DSPP: variants seen among roughly 807,000 people sequenced by gnomAD.
DSPP encodes the protein deafness, autosomal dominant 39.
Under a neutral mutation model 29.1 loss-of-function variants are expected in DSPP, and 28 were observed. The observed-to-expected ratio is 0.96, with a 90% CI of 0.71 to 1.32. The LOEUF (loss-of-function observed/expected upper bound fraction) is 1.32. Among genes scored for constraint, DSPP ranks in the 40% most tolerant of loss-of-function variants. The probability of loss-of-function intolerance (pLI) is 0.00; values close to 1 mark genes in which losing one functional copy is unlikely to be tolerated. For synonymous variants in DSPP, 481 were observed against 503.4 expected (o/e 0.96, Z 0.60); for missense variants, 1,281 against 1,629.9 (o/e 0.79, Z 3.69).
At position 87,615,202 on chromosome 4, in the gene DSPP, G is replaced by A. The variant is rs1220416323; in HGVS notation, c.2540G>A (p.Ser847Asn). The change falls in exon 5 of 5, where the codon AGC becomes AAC. Residue 847 changes from serine (S) to asparagine (N), a missense_variant. By Grantham distance (46) the Ser-to-Asn change is conservative (BLOSUM62 1). Transcript: ENST00000651931. ...AGTGATAGCAGCGACAGCAGCGATA[G>A]CAGTGACGGCAGTGATAGCGACAGC... ...NSSDSSDSSD[S>N]SDGSDSDSSN... 6 of 1,515,686 alleles carry A rather than the reference G, an allele frequency of 4.0e-6. No homozygotes were observed. Among genetic ancestry groups the A allele is most frequent in the Non-Finnish European group, 5.3e-6 (6 of 1,124,314 alleles). 93.9% of individuals were successfully genotyped at this position (1,515,686 alleles called of 1,614,324 possible). A position where few individuals can be genotyped will look rare whatever the true frequency, so the allele number is the denominator to read the frequency against.
chr4:87,611,933 C>T (rs1727741159), intron 2 of DSPP, among the ~76,000 whole-genome samples, 172 bp from the exon 3 acceptor site: 2 of 152,156 alleles, frequency 1.3e-5, no homozygotes, highest in Admixed American at 6.5e-5. Context: ...CTGTAAGAAG[C>T]CACTTCTCTT....
In DSPP at chr4:87,612,509, G is replaced by A. The variant is rs753154760; in HGVS notation, c.323G>A (p.Gly108Asp). 6 of 1,613,968 alleles carry A rather than the reference G, an allele frequency of 3.7e-6. No homozygotes were observed. The highest frequency in any genetic ancestry group is 8.5e-7 in the Non-Finnish European group (1 of 1,179,986). ...TLANEEGNIEGWNGDTGKAET... is the reference protein window; with the variant it reads ...TLANEEGNIEDWNGDTGKAET... ...GCAAACGAAGAGGGGAATATTGAGG[G>A]CTGGAATGGGGACACAGGAAAAGCA... Residue 108 changes from glycine (G) to aspartate (D), a missense_variant, in exon 4 of 5, where the codon GGC (glycine) becomes GAC (aspartate). Coordinates refer to ENST00000651931, the MANE Select transcript of DSPP (RefSeq NM_014208.3).
Position 87,613,859 on chromosome 4 carries a change from A to C in DSPP, c.1197A>C (p.Lys399Asn). ...AAGTTGGGAAAGGCAACGAAGGTAA[A>C]GAGGATAAAGGACAACATGGAATGA... Reference protein sequence around the residue: ...TKEVGKGNEGKEDKGQHGMIL... With the variant: ...TKEVGKGNEGNEDKGQHGMIL... Residue 399 changes from lysine (K) to asparagine (N), a missense_variant, in exon 5 of 5, where the codon AAA (lysine) becomes AAC (asparagine). Lys to Asn is a moderately conservative substitution (Grantham distance 94). This residue lies in a region of DSPP where 631 missense variants were observed against 643.2 expected (regional missense o/e 0.98). Transcript: ENST00000651931. 3.1e-6 allele frequency: 5 copies of C among 1,614,222 alleles called. No homozygotes were observed. The highest frequency in any genetic ancestry group is 4.2e-6 in the Non-Finnish European group (5 of 1,180,036).
chr4:87,610,100 T>C (rs2109994541), intron 1 of DSPP, among the ~76,000 whole-genome samples: 1 of 152,292 alleles, frequency 6.6e-6, no homozygotes, highest in Non-Finnish European at 1.5e-5. Context: ...CAAGACACTC[T>C]CCTGGGCCTC....
chr4:87,612,268 G>T, intron 3 of DSPP, 54 bp from the exon 4 acceptor site: 10 of 1,612,542 alleles, frequency 6.2e-6, no homozygotes, highest in Non-Finnish European at 8.5e-6. Context: ...ATTGCAATTT[G>T]CTTTCCTTCA....
rs1483298744 is a variant in DSPP at position 87,612,792 on chromosome 4, T to C, written c.606T>C (p.Asn202=). 6.2e-7 allele frequency: 1 copy of C among 1,614,126 alleles called. No individual in the cohort carries two copies. The highest frequency in any genetic ancestry group is 1.7e-5 in the Admixed American group (1 of 60,020). Residue 202 remains asparagine, a synonymous_variant, in exon 4 of 5, where the codon AAT becomes AAC. Transcript: ENST00000651931. ...STDNEDEIIE[N]SCRNEGNTSE... ...ACAATGAGGATGAAATAATTGAGAA[T>C]TCCTGTAGAAACGAGGGTAATACAA...
intron 1 of DSPP, among the ~76,000 whole-genome samples, chr4:87,610,614 A>T (rs1727715231): frequency 6.6e-6 from 1 of 152,226 alleles, no homozygotes; most frequent in Non-Finnish European, 1.5e-5. Context: ...GCAGAAGAAC[A>T]AAGTTACAGC....
At position 87,613,893 on chromosome 4, in the gene DSPP, A is replaced by G. The variant is rs1402904773; in HGVS notation, c.1231A>G (p.Lys411Glu). The change falls in exon 5 of 5, where the codon AAA (lysine) becomes GAA (glutamate). Residue 411 changes from lysine (K) to glutamate (E), a missense_variant. This residue lies in a region of DSPP where 631 missense variants were observed against 643.2 expected (regional missense o/e 0.98). Coordinates refer to ENST00000651931, the MANE Select transcript of DSPP (RefSeq NM_014208.3). ...AGGACAACATGGAATGATCTTGGGC[A>G]AAGGCAATGTCAAGACACAAGGAGA... is the stretch of plus-strand genomic sequence containing the variant. ...DKGQHGMILG[K>E]GNVKTQGEVV... 1 of 1,614,248 alleles carries G rather than the reference A, an allele frequency of 6.2e-7. No homozygotes were observed. The highest frequency in any genetic ancestry group is 8.5e-7 in the Non-Finnish European group (1 of 1,180,038).
Position 87,614,270 on chromosome 4 carries a change from C to T in DSPP, c.1608C>T (p.Asp536=), listed in dbSNP as rs765184553. 6.2e-6 allele frequency: 10 copies of T among 1,614,144 alleles called. No homozygotes were observed. The highest frequency in any genetic ancestry group is 6.8e-6 in the Non-Finnish European group (8 of 1,180,020). The change falls in exon 5 of 5, where the codon GAC becomes GAT. Residue 536 remains aspartate, a synonymous_variant. Transcript: ENST00000651931. The part of the protein sequence containing the change: ...SNGNGNNGND[D]NDKSDSGKGK... ...GCAATGGTAACAATGGGAATGATGA[C>T]AATGACAAATCAGACAGTGGCAAAG...
chr4:87,609,837 T>C (rs530281335), intron 1 of DSPP, among the ~76,000 whole-genome samples: 19 of 152,296 alleles, frequency 1.2e-4, no homozygotes, highest in African/African-American at 4.3e-4. Context: ...ATAAATTAAT[T>C]TTTTTACTCA....
chr4:87,609,071 A>C (rs1267139604), intron 1 of DSPP, among the ~76,000 whole-genome samples: 1 of 152,220 alleles, frequency 6.6e-6, no homozygotes, highest in Non-Finnish European at 1.5e-5. Context: ...CTAATTGCTA[A>C]ATGAAATGAA....
At position 87,615,536 on chromosome 4, in the gene DSPP, T is replaced by A. The variant is rs374607352; in HGVS notation, c.2874T>A (p.Asn958Lys). The part of the protein sequence containing the change: ...SDSSNSSDSS[N>K]SSDSSNSSDS... ...GCAGTAATAGTAGTGACAGCAGCAA[T>A]AGCAGTGACAGCAGCAACAGCAGTG... is the stretch of plus-strand genomic sequence containing the variant. The change falls in exon 5 of 5, where the codon AAT becomes AAA. Residue 958 changes from asparagine (N) to lysine (K), a missense_variant. Asn to Lys is a moderately conservative substitution (Grantham distance 94). Around this residue, in one of 4 missense-constraint regions of DSPP, gnomAD observed 444 missense variants for 611.4 expected, o/e 0.73. Transcript: ENST00000651931. The A allele has an allele frequency of 6.5e-7, 1 of 1,530,504 alleles. No individual in the cohort carries two copies. The highest frequency in any genetic ancestry group is 8.8e-7 in the Non-Finnish European group (1 of 1,139,892). 94.8% of individuals were successfully genotyped at this position (1,530,504 alleles called of 1,614,324 possible).
At position 87,616,089 on chromosome 4, in the gene DSPP, G is replaced by A. The variant is rs755345520; in HGVS notation, c.3427G>A (p.Asp1143Asn). 13 of 1,498,156 alleles carry A rather than the reference G, an allele frequency of 8.7e-6. 5 individuals carry two copies. The South Asian group carries it at 1.6e-4, about 19-fold the overall frequency. 92.8% of individuals were successfully genotyped at this position (1,498,156 alleles called of 1,614,324 possible). A position where few individuals can be genotyped will look rare whatever the true frequency, so the allele number is the denominator to read the frequency against. Residue 1143 changes from aspartate (D) to asparagine (N), a missense_variant, in exon 5 of 5, where the codon GAC (aspartate) becomes AAC (asparagine). Asp to Asn is a conservative substitution (Grantham distance 23). This residue lies in a region of DSPP where 72 missense variants were observed against 190.3 expected (regional missense o/e 0.38). Transcript: ENST00000651931. ...TAGCAGTGACAGCAGCAACAGCAGT[G>A]ACAGCAGTGACAGCAGTGAAAGCAG... ...SDSSDSSNSS[D>N]SSDSSESSDS... is the part of the protein sequence containing the mutation.
rs1011020771 is a variant in DSPP at position 87,614,726 on chromosome 4, TAGTAGTGAC to T, written c.2076_2084del (p.Asp694_Ser696del). ...GCAGTGACAGCAGCAACAGCAGTGA[TAGTAGTGAC>T]AGTAGTGACAGCAGCAATAGCAGTG... is the stretch of plus-strand genomic sequence containing the variant. On this transcript the variant is annotated inframe_deletion, in exon 5 of 5. Transcript: ENST00000651931. 6 of 1,372,732 alleles carry T rather than the reference TAGTAGTGAC, an allele frequency of 4.4e-6. No homozygotes were observed. The highest frequency in any genetic ancestry group is 4.6e-5 in the Admixed American group (2 of 43,794). The allele number at this position is 1,372,732 out of a possible 1,614,324, so 85.0% of individuals were successfully genotyped here. A position where few individuals can be genotyped will look rare whatever the true frequency, so the allele number is the denominator to read the frequency against.
rs1560481238 is a variant in DSPP, at chr4:87,616,343, CAGCAGTGACAGCAATGAA to C, written c.3687_3704del (p.Asn1232_Ser1237del). ...GCAGCGACAGCAGTGACAGCAGCGA[CAGCAGTGACAGCAATGAA>C]AGCAGCGACAGCAGTGACAGCAGCG... On this transcript the variant is annotated inframe_deletion, in exon 5 of 5. Transcript: ENST00000651931. 1.3e-5 allele frequency: 19 copies of C among 1,414,020 alleles called. No homozygotes were observed. Among genetic ancestry groups the C allele is most frequent in the Admixed American group, 2.1e-5 (1 of 46,612 alleles). The allele number at this position is 1,414,020 out of a possible 1,614,324, so 87.6% of individuals were successfully genotyped here. A position where few individuals can be genotyped will look rare whatever the true frequency, so the allele number is the denominator to read the frequency against.
intron 4 of DSPP, 62 bp downstream of exon 4, chr4:87,613,370 T>A: frequency 6.4e-7 from 1 of 1,566,214 alleles, no homozygotes; most frequent in Non-Finnish European, 8.8e-7. Flanking sequence ...CATCTATTGA[T>A]GCTAGCACAA....
intron 1 of DSPP, among the ~76,000 whole-genome samples, chr4:87,610,494 G>C (rs1727713379): frequency 6.6e-6 from 1 of 152,128 alleles, no homozygotes; most frequent in Non-Finnish European, 1.5e-5. Context: ...CTATAGATTT[G>C]GAGTAAGGAT....
chr4:87,613,940 T>C lies in DSPP; in HGVS notation c.1278T>C (p.Pro426=). The change falls in exon 5 of 5, where the codon CCT becomes CCC. Residue 426 remains proline (P), a synonymous_variant. Transcript: ENST00000651931. ...TQGEVVNIEG[P]GQKSEPGNKV... is the part of the protein sequence containing the mutation. ...GAGAGGTTGTCAACATAGAAGGACC[T>C]GGCCAAAAATCAGAACCAGGAAATA... is the stretch of plus-strand genomic sequence containing the variant. 1 of 1,614,190 alleles carries C rather than the reference T, an allele frequency of 6.2e-7. No homozygotes were observed. Among genetic ancestry groups the C allele is most frequent in the South Asian group, 1.1e-5 (1 of 91,090 alleles).
intron 2 of DSPP, among the ~76,000 whole-genome samples, chr4:87,611,518 C>A (rs1308330114): frequency 6.6e-6 from 1 of 151,990 alleles, no homozygotes; most frequent in African/African-American, 2.4e-5. Context: ...TGAGAAAATT[C>A]AACCATTTAT....
Sources: gnomAD v4.1 joint callset for allele counts (sites outside exome capture counted in the v4.1 genomes callset) on GRCh38, gnomAD v4.1.1 for gene constraint, gnomAD v4.1.1 regional missense constraint, MANE v1.5 for transcripts, NCBI Gene and HGNC (gene_info 2026-07-23, HGNC 2026-07-21) for gene names.